Variants in REL observed in about 807,000 individuals in gnomAD.
REL encodes the protein REL proto-oncogene, NF-kB subunit.
Under a neutral mutation model 45.9 loss-of-function variants are expected in REL, and 15 were observed. The observed-to-expected ratio is 0.33, with a 90% CI of 0.22 to 0.50. The LOEUF is 0.50. REL is among the 20% of genes least tolerant of loss of function. The pLI, the probability that REL is intolerant of heterozygous loss-of-function variation, is 0.98. For synonymous variants in REL, 239 were observed against 242.1 expected, an observed-to-expected ratio of 0.99 and a Z score of 0.12; for missense variants, 601 against 715.2, an observed-to-expected ratio of 0.84 and a Z score of 1.82.
intron 4 of REL, among the ~76,000 whole-genome samples, chr2:60,910,614 C>T (rs900779637): frequency 3.3e-5 from 5 of 151,976 alleles, no homozygotes; most frequent in South Asian, 4.1e-4. Context: ...CTCATGCTTC[C>T]TTCCGTTAGT....
intron 2 of REL, 92 bp downstream of exon 2, chr2:60,891,917 C>G (rs1420105389): frequency 1.7e-6 from 2 of 1,201,164 alleles, no homozygotes; most frequent in Admixed American, 2.7e-5. Flanking sequence ...TCTTCACAGT[C>G]ATCTCCACAG....
intron 4 of REL, among the ~76,000 whole-genome samples, chr2:60,909,169 A>C (rs901757403): frequency 3.3e-5 from 5 of 152,130 alleles, no homozygotes; most frequent in African/African-American, 1.2e-4. Flanking sequence ...TCATCCAGAT[A>C]CTCATCTCAC....
intron 1 of REL, among the ~76,000 whole-genome samples, chr2:60,882,844 T>C: frequency 6.6e-6 from 1 of 152,212 alleles, no homozygotes; most frequent in East Asian, 1.9e-4. Context: ...TACAACTTTA[T>C]CACTTATGTG....
At chr2:60,906,424 C>G (rs555466688) in intron 4 of REL, among the ~76,000 whole-genome samples, 43 of 152,278 alleles carry the variant, frequency 2.8e-4, no homozygotes, top group Non-Finnish European at 5.6e-4. Context: ...AAATCTCTAT[C>G]TGAGATGATT....
intron 6 of REL, 43 bp downstream of exon 6, chr2:60,918,338 AT>A: frequency 6.4e-7 from 1 of 1,556,684 alleles, no homozygotes; most frequent in Non-Finnish European, 8.8e-7. Context: ...TTTTAGATTA[AT>A]AGATGCAGTT....
Position 60,918,245 on chromosome 2 carries a change from G to A in REL, c.590G>A (p.Ser197Asn). Reference sequence around the variant, plus strand: ...TGTCGTGTAAACAAGAATTGTGGAAGTGTCAGAGGAGGAGATGAAATATTT... The same window carrying A: ...TGTCGTGTAAACAAGAATTGTGGAAATGTCAGAGGAGGAGATGAAATATTT... The part of the protein sequence containing the change: ...RICRVNKNCG[S>N]VRGGDEIFLL... Residue 197 changes from serine (S) to asparagine (N), a missense_variant, in exon 6 of 10, where the codon AGT (serine) becomes AAT (asparagine). Coordinates refer to ENST00000394479, the MANE Select transcript of REL (RefSeq NM_001291746.2). 6.2e-7 allele frequency: 1 copy of A among 1,610,204 alleles called. No homozygotes were observed. Among genetic ancestry groups the A allele is most frequent in the Non-Finnish European group, 8.5e-7 (1 of 1,177,532 alleles).
At chr2:60,912,727 A>G (rs1044070783) in intron 4 of REL, among the ~76,000 whole-genome samples, 7 of 152,068 alleles carry the variant, frequency 4.6e-5, no homozygotes, top group Non-Finnish European at 5.9e-5. Context: ...TATTCACCCA[A>G]TTTTTATAAG....
chr2:60,894,118 T>C (rs535379111), intron 2 of REL, among the ~76,000 whole-genome samples: 18 of 152,314 alleles, frequency 1.2e-4, no homozygotes, highest in African/African-American at 4.1e-4. Context: ...TGGATAAAAT[T>C]TGGGTAGAGT....
At chr2:60,910,669 C>G (rs184949219) in intron 4 of REL, among the ~76,000 whole-genome samples, 1 of 152,140 alleles carries the variant, frequency 6.6e-6, no homozygotes, top group African/African-American at 2.4e-5. Flanking sequence ...CACGGCCACT[C>G]ACACCTGTAA....
chr2:60,898,618 T>C (rs1345670300), intron 3 of REL, among the ~76,000 whole-genome samples: 3 of 152,382 alleles, frequency 2.0e-5, no homozygotes, highest in East Asian at 1.9e-4. Context: ...TACCAGACTT[T>C]TTCTGTAAAG....
intron 4 of REL, among the ~76,000 whole-genome samples, chr2:60,913,436 C>T (rs1180431066): frequency 1.3e-5 from 2 of 152,104 alleles, no homozygotes; most frequent in African/African-American, 4.8e-5. Context: ...TCCCAGGTCA[C>T]CTAAAATCAG....
chr2:60,899,774 G>C (rs983110991), intron 3 of REL: 19 of 152,268 alleles, frequency 1.2e-4, no homozygotes, highest in Admixed American at 7.9e-4. Flanking sequence ...TGGTGGGGGA[G>C]TTCCCCCCAC....
rs1400514840 is a variant in REL, at chr2:60,926,108, T to C, written c.*3573T>C. On this transcript the variant is annotated 3_prime_UTR_variant, in exon 10 of 10. Transcript: ENST00000394479. The stretch of plus-strand genomic sequence containing the variant: ...CCTGCTTTTAGTATCTGAGGCACTT[T>C]TTCTGAACTCTACTTGTGCACTGGA... 2 of 231,642 alleles carry C rather than the reference T, an allele frequency of 8.6e-6. No homozygotes were observed. The highest frequency in any genetic ancestry group is 2.2e-5 in the African/African-American group (1 of 45,244). 14.3% of individuals were successfully genotyped at this position (231,642 alleles called of 1,614,324 possible). A position where few individuals can be genotyped will look rare whatever the true frequency, so the allele number is the denominator to read the frequency against.
At chr2:60,917,530 G>T (rs1302357752) in intron 5 of REL, among the ~76,000 whole-genome samples, 48 of 128,720 alleles carry the variant, frequency 3.7e-4, no homozygotes, top group Non-Finnish European at 6.2e-4. Flanking sequence ...TTTTTTATTG[G>T]TTTTTTTTTT....
Position 60,922,010 on chromosome 2 carries a change from A to G in REL, c.1239A>G (p.Pro413=). 1 of 1,614,204 alleles carries G rather than the reference A, an allele frequency of 6.2e-7. No individual in the cohort carries two copies. Among genetic ancestry groups the G allele is most frequent in the South Asian group, 1.1e-5 (1 of 91,084 alleles). Residue 413 remains proline, a synonymous_variant, in exon 10 of 10, where the codon CCA becomes CCG. Coordinates refer to ENST00000394479, the MANE Select transcript of REL (RefSeq NM_001291746.2). ...CTTCTAATTCGCAAGGTATCCCACC[A>G]TTCCTGAGAATACCTGTTGGGAATG... ...TLPSNSQGIP[P]FLRIPVGNDL...
At chr2:60,899,091 T>A (rs1353967868) in intron 3 of REL, 1 of 152,232 alleles carries the variant, frequency 6.6e-6, no homozygotes, top group Non-Finnish European at 1.5e-5. Context: ...TAAAATCTTT[T>A]ACCAAAGAAA....
intron 4 of REL, among the ~76,000 whole-genome samples, chr2:60,910,849 T>C (rs1219023088): frequency 6.6e-6 from 1 of 151,792 alleles, no homozygotes; most frequent in Admixed American, 6.6e-5. Context: ...TTAGAATCTC[T>C]TGAACCCTGG....
intron 1 of REL, among the ~76,000 whole-genome samples, chr2:60,891,070 T>G (rs926676097): frequency 3.3e-5 from 5 of 152,222 alleles, no homozygotes; most frequent in Non-Finnish European, 7.3e-5. Flanking sequence ...TGCATGGGAC[T>G]GATTGCACAT....
rs1170373557 is a variant in REL, at chr2:60,891,795, A to C, written c.123A>C (p.Thr41=). ...SAGSIPGEHS[T]DNNRTYPSIQ... ...GCAGCATTCCAGGGGAGCACAGCAC[A>C]GACAACAACCGAACATACCCTTCTA... Residue 41 remains threonine (T), a synonymous_variant, in exon 2 of 10, where the codon ACA becomes ACC. Transcript: ENST00000394479. The C allele has an allele frequency of 7.4e-6, 12 of 1,614,010 alleles. No individual in the cohort carries two copies. The highest frequency in any genetic ancestry group is 1.0e-5 in the Non-Finnish European group (12 of 1,179,938).
Sources: allele counts gnomAD v4.1 joint callset (sites outside exome capture counted in the v4.1 genomes callset), GRCh38; gene constraint gnomAD v4.1.1; transcripts MANE v1.5; gene names NCBI Gene and HGNC (gene_info 2026-07-23, HGNC 2026-07-21).